Variants in SLC3A2 observed in about 807,000 individuals in gnomAD.
SLC3A2 encodes the protein solute carrier family 3 member 2.
In SLC3A2, 32 loss-of-function variants were observed where a neutral mutation model predicts 48.5. The observed-to-expected ratio is 0.66, with a 90% CI of 0.50 to 0.89. The LOEUF (loss-of-function observed/expected upper bound fraction) is 0.89, where lower values mean the gene tolerates loss of function less well. SLC3A2 is among the 40% of genes least tolerant of loss of function. The pLI, the probability that SLC3A2 is intolerant of heterozygous loss-of-function variation, is 0.00. For synonymous variants in SLC3A2, 277 were observed against 288.8 expected (o/e 0.96, Z 0.41); for missense variants, 587 against 680.7 (o/e 0.86, Z 1.53).
chr11:62,875,273 A>C (rs1010555027), intron 1 of SLC3A2, among the ~76,000 whole-genome samples: 2 of 152,074 alleles, frequency 1.3e-5, no homozygotes, highest in Admixed American at 1.3e-4. Context: ...GTGGCCGGGC[A>C]CGGTGGCTCA....
At chr11:62,875,412 G>A (rs1293620789) in intron 1 of SLC3A2, among the ~76,000 whole-genome samples, 1 of 152,120 alleles carries the variant, frequency 6.6e-6, no homozygotes, top group African/African-American at 2.4e-5. Flanking sequence ...AAAATTAGCT[G>A]GGCGTGGTGG....
At chr11:62,872,967 A>G (rs549493363) in intron 1 of SLC3A2, among the ~76,000 whole-genome samples, 1 of 152,104 alleles carries the variant, frequency 6.6e-6, no homozygotes, top group Admixed American at 6.5e-5. Context: ...AGCATACCAT[A>G]CTCTAAATAT....
intron 1 of SLC3A2, among the ~76,000 whole-genome samples, chr11:62,863,378 C>T (rs868014988): frequency 4.6e-5 from 7 of 152,218 alleles, no homozygotes; most frequent in African/African-American, 1.4e-4. Flanking sequence ...TGCCATCACA[C>T]CCAGCTAATT....
intron 1 of SLC3A2, among the ~76,000 whole-genome samples, chr11:62,860,064 G>A (rs1210477844): frequency 1.3e-5 from 2 of 152,170 alleles, no homozygotes; most frequent in African/African-American, 2.4e-5. Flanking sequence ...CAGGACTATA[G>A]GGTAATGGTG....
chr11:62,885,627 C>G lies in SLC3A2; in HGVS notation c.1143+19C>G, dbSNP rs766007696. 1.2e-6 allele frequency: 2 copies of G among 1,613,490 alleles called. No individual in the cohort carries two copies. The highest frequency in any genetic ancestry group is 2.7e-5 in the African/African-American group (2 of 74,920). On this transcript the variant is annotated intron_variant, in intron 7 of 8. Coordinates refer to ENST00000338663, the MANE Select transcript of SLC3A2 (RefSeq NM_001013251.3). Reference sequence around the variant, plus strand: ...TGGACAGGTACTGCTTGCTGTCTTTCTGTCACAGGGAGGTTGTTTATCCAT... The same window carrying G: ...TGGACAGGTACTGCTTGCTGTCTTTGTGTCACAGGGAGGTTGTTTATCCAT...
Position 62,888,480 on chromosome 11 carries a change from T to C in SLC3A2, c.1377T>C (p.Asn459=). The change falls in exon 9 of 9, where the codon AAT becomes AAC. Residue 459 remains asparagine (N), a synonymous_variant. Coordinates refer to ENST00000338663, the MANE Select transcript of SLC3A2 (RefSeq NM_001013251.3). ...CCTATATCCGCCACTGGGACCAGAATGAGCGTTTTCTGGTAGTGCTTAACT... is the reference window on the plus strand; with the variant it reads ...CCTATATCCGCCACTGGGACCAGAACGAGCGTTTTCTGGTAGTGCTTAACT... ...LFSYIRHWDQ[N]ERFLVVLNFG... 1 of 1,614,150 alleles carries C rather than the reference T, an allele frequency of 6.2e-7. No individual in the cohort carries two copies. The highest frequency in any genetic ancestry group is 8.5e-7 in the Non-Finnish European group (1 of 1,179,964).
chr11:62,871,429 G>A (rs779656962), intron 1 of SLC3A2: 7 of 318,558 alleles, frequency 2.2e-5, no homozygotes, highest in Middle Eastern at 9.3e-4. Flanking sequence ...TAGTAGAGAC[G>A]GAGTTTTGCC....
intron 1 of SLC3A2, among the ~76,000 whole-genome samples, chr11:62,873,893 C>T (rs932338519): frequency 3.0e-4 from 45 of 147,766 alleles, no homozygotes; most frequent in African/African-American, 1.1e-3. Context: ...GCTTCAACCT[C>T]CTGGGCTCAA....
chr11:62,878,295 C>G (rs573837475), upstream of SLC3A2, among the ~76,000 whole-genome samples: 1 of 152,082 alleles, frequency 6.6e-6, no homozygotes, highest in Admixed American at 6.6e-5. Context: ...CTTGTTCTTA[C>G]TTATTTTTAG....
intron 2 of SLC3A2, 96 bp downstream of exon 2, chr11:62,882,162 C>CT: frequency 7.0e-7 from 1 of 1,428,980 alleles, no homozygotes; most frequent in South Asian, 1.2e-5. Flanking sequence ...CTAACTGGCT[C>CT]TGAGTTTTCC....
intron 7 of SLC3A2, among the ~76,000 whole-genome samples, chr11:62,886,893 C>G (rs2085721604): frequency 6.6e-6 from 1 of 152,066 alleles, no homozygotes; most frequent in Non-Finnish European, 1.5e-5. Context: ...GCCACTGTGC[C>G]TGGCCACAGC....
chr11:62,869,593 T>G (rs1273956662), intron 1 of SLC3A2, among the ~76,000 whole-genome samples: 4 of 151,736 alleles, frequency 2.6e-5, no homozygotes, highest in Admixed American at 6.6e-5. Flanking sequence ...GATTATTGGT[T>G]TTTTTCGTAC....
chr11:62,870,882 T>C (rs2085508816), intron 1 of SLC3A2: 1 of 188,818 alleles, frequency 5.3e-6, no homozygotes, highest in Non-Finnish European at 1.0e-5. Context: ...TTATTATTAT[T>C]ATTATTATTA....
Position 62,888,503 on chromosome 11 carries a change from A to C in SLC3A2, c.1400A>C (p.Asn467Thr). 4 of 1,614,078 alleles carry C rather than the reference A, an allele frequency of 2.5e-6. No individual in the cohort carries two copies. The highest frequency in any genetic ancestry group is 3.4e-6 in the Non-Finnish European group (4 of 1,180,002). The part of the protein sequence containing the change: ...DQNERFLVVL[N>T]FGDVGLSAGL... ...AATGAGCGTTTTCTGGTAGTGCTTA[A>C]CTTTGGGGATGTGGGCCTCTCGGCT... The change falls in exon 9 of 9, where the codon AAC (asparagine) becomes ACC (threonine). Residue 467 changes from asparagine to threonine, a missense_variant. Physicochemically the swap from Asn to Thr is moderately conservative, Grantham distance 65. This residue lies in a region of SLC3A2 where 169 missense variants were observed against 204.4 expected (regional missense o/e 0.83). Transcript: ENST00000338663.
exon 1 of SLC3A2, chr11:62,856,255 G>A: frequency 6.2e-7 from 1 of 1,602,166 alleles, no homozygotes; most frequent in Non-Finnish European, 8.5e-7. Flanking sequence ...AAACCTGTGT[G>A]CAGGATCCGC....
chr11:62,856,192 A>T, exon 1 of SLC3A2: 1 of 1,149,622 alleles, frequency 8.7e-7, no homozygotes, highest in Non-Finnish European at 1.2e-6. Flanking sequence ...ACTGACGGTC[A>T]CGACTGCCTA....
intron 7 of SLC3A2, 170 bp from the exon 8 acceptor site, chr11:62,887,965 A>T (rs2085736361): frequency 5.2e-6 from 3 of 580,122 alleles, no homozygotes; most frequent in Non-Finnish European, 9.2e-6. Flanking sequence ...GCTAATTTTT[A>T]AAAATTTTGT....
chr11:62,876,805 T>A, upstream of SLC3A2: 1 of 543,092 alleles, frequency 1.8e-6, no homozygotes, highest in Non-Finnish European at 2.7e-6. Flanking sequence ...TTTCACCATG[T>A]TAGCCAGGCT....
At chr11:62,876,864 A>G, upstream of SLC3A2, 1 of 1,042,544 alleles carries the variant, frequency 9.6e-7, no homozygotes, top group South Asian at 2.1e-5. Flanking sequence ...GGCCTCCGGA[A>G]GTGCTGGGAT....
Sources: allele counts gnomAD v4.1 joint callset (sites outside exome capture counted in the v4.1 genomes callset), GRCh38; gene constraint gnomAD v4.1.1; regional missense constraint gnomAD v4.1.1; transcripts MANE v1.5; gene names NCBI Gene and HGNC (gene_info 2026-07-23, HGNC 2026-07-21).